COL5A3: variants seen among roughly 807,000 people sequenced by gnomAD.
COL5A3 encodes the protein collagen type V alpha 3 chain, also known as collagen alpha-3(V) chain.
Under a neutral mutation model 250.0 loss-of-function variants are expected in COL5A3, and 172 were observed. The ratio of observed to expected loss-of-function variants is 0.69; its 90% confidence interval spans 0.61 to 0.78. COL5A3 has a LOEUF of 0.78. COL5A3 is among the 30% of genes least tolerant of loss of function. COL5A3 has a pLI of 0.00. For synonymous variants in COL5A3, 937 were observed against 900.4 expected (o/e 1.04, Z -0.73); for missense variants, 2,340 against 2,334.4 (o/e 1.00, Z -0.05).
rs1231717681 is a variant in COL5A3 at position 9,977,347 on chromosome 19, T to A, written c.3234+18A>T. 6.2e-7 allele frequency: 1 copy of A among 1,611,032 alleles called. No homozygotes were observed. The highest frequency in any genetic ancestry group is 1.3e-5 in the African/African-American group (1 of 74,980). On this transcript the variant is annotated intron_variant, in intron 43 of 66. Coordinates refer to ENST00000264828, the MANE Select transcript of COL5A3 (RefSeq NM_015719.4). ...CCCCCATCCTCCCCTGGACCCTTCC[T>A]CTCTGTGAACCCCTCACCTTGTCCC...
chr19:9,967,774 A>G (rs1294382559), intron 61 of COL5A3, 130 bp downstream of exon 61: 2 of 896,150 alleles, frequency 2.2e-6, no homozygotes, highest in African/African-American at 3.4e-5. Flanking sequence ...TAGGTGTTGA[A>G]TAAATATTTG....
Position 9,998,253 on chromosome 19 carries a change from C to CAT in COL5A3, c.1111-105_1111-104insAT, listed in dbSNP as rs146616197. The CAT allele has an allele frequency of 1.4e-3, 1,617 of 1,127,422 alleles. 66 individuals are homozygous for CAT. The East Asian group carries it at 0.02, about 14-fold the overall frequency. The allele number at this position is 1,127,422 out of a possible 1,614,324, so 69.8% of individuals were successfully genotyped here. On this transcript the variant is annotated intron_variant, in intron 8 of 66. Coordinates refer to ENST00000264828, the MANE Select transcript of COL5A3 (RefSeq NM_015719.4). The stretch of plus-strand genomic sequence containing the variant: ...ACTTGCACACACACACACACACACA[C>CAT]ACACGGAGTCCACCCTCAGAGCCCC...
At position 10,009,036 on chromosome 19, in the gene COL5A3, C is replaced by T. The variant is rs1233411532; in HGVS notation, c.88+1262G>A. On this transcript the variant is annotated intron_variant, in intron 1 of 66. Coordinates refer to ENST00000264828, the MANE Select transcript of COL5A3 (RefSeq NM_015719.4). The surrounding 1 kb of genome is among the most constrained non-coding windows in gnomAD (Gnocchi z 4.4). ...CCTGGAGTCCCAGGGGACTTATATT[C>T]AGAGTGGATGCCTAAGATTCCATGA... Among the ~76,000 whole-genome samples, 1 of 151,992 alleles carries T rather than the reference C, an allele frequency of 6.6e-6. No homozygotes were observed. The highest frequency in any genetic ancestry group is 1.5e-5 in the Non-Finnish European group (1 of 67,988).
At chr19:9,986,789 C>G (rs1357295854) in intron 27 of COL5A3, 31 bp from the exon 28 acceptor site, 1 of 1,610,138 alleles carries the variant, frequency 6.2e-7, no homozygotes, top group East Asian at 2.2e-5. Flanking sequence ...GCTCTCAAGC[C>G]TCTTCCCTGC....
rs148469753 is a variant in COL5A3 at position 10,004,085 on chromosome 19, G to A, written c.655C>T (p.Arg219Trp). The A allele has an allele frequency of 3.2e-5, 51 of 1,613,890 alleles. No homozygotes were observed. Among genetic ancestry groups the A allele is most frequent in the East Asian group, 2.2e-4 (10 of 44,878 alleles). Residue 219 changes from arginine to tryptophan, a missense_variant, in exon 5 of 67, where the codon CGG becomes TGG. Physicochemically the swap from Arg to Trp is moderately radical, Grantham distance 101. This residue lies in a region of COL5A3 where 1,152 missense variants were observed against 1,146.3 expected (regional missense o/e 1.00). Transcript: ENST00000264828. ...AGGTTGTCACAGTCGGGGAGGTACC[G>A]CTCACAAGCCTGGAAGGCAGCCTGA... ...DPQAAFQACE[R>W]YLPDCDNLAP...
chr19:9,988,618 G>A (rs111945858), intron 27 of COL5A3, among the ~76,000 whole-genome samples: 1,921 of 152,014 alleles, frequency 0.013, 40 homozygotes, highest in African/African-American at 0.044. Context: ...ATCACCTGAG[G>A]TCAGGAGTTC....
intron 8 of COL5A3, among the ~76,000 whole-genome samples, chr19:9,999,370 T>A (rs1465773787): frequency 1.3e-5 from 2 of 150,544 alleles, no homozygotes; most frequent in South Asian, 2.1e-4. Context: ...TTTTTTATTT[T>A]ATTTTTTTGT....
At chr19:9,967,839 T>C in intron 61 of COL5A3, 65 bp downstream of exon 61, 1 of 1,502,986 alleles carries the variant, frequency 6.7e-7, no homozygotes, top group Non-Finnish European at 9.1e-7. Flanking sequence ...ACGTGGAGGG[T>C]TCTGGTGCAG....
At position 9,991,648 on chromosome 19, in the gene COL5A3, G is replaced by A; in HGVS notation, c.1954C>T (p.Pro652Ser). 6.2e-7 allele frequency: 1 copy of A among 1,611,178 alleles called. No homozygotes were observed. Among genetic ancestry groups the A allele is most frequent in the Non-Finnish European group, 8.5e-7 (1 of 1,178,684 alleles). The change falls in exon 24 of 67, where the codon CCC (proline) becomes TCC (serine). Residue 652 changes from proline (P) to serine (S), a missense_variant. By Grantham distance (74) the Pro-to-Ser change is moderately conservative. Coordinates refer to ENST00000264828, the MANE Select transcript of COL5A3 (RefSeq NM_015719.4). The part of the protein sequence containing the change: ...QQGNHGSQGL[P>S]GPQGLIGTPG... The stretch of plus-strand genomic sequence containing the variant: ...GTGCCAATGAGTCCCTGGGGACCGG[G>A]GAGTCCCTGGAGACAGAAAAAGAAG...
intron 18 of COL5A3, 29 bp from the exon 19 acceptor site, chr19:9,993,462 G>C: frequency 6.2e-7 from 1 of 1,612,952 alleles, no homozygotes. Context: ...GGAGTTCAGA[G>C]TGGAAGGGTG....
intron 51 of COL5A3, among the ~76,000 whole-genome samples, chr19:9,971,471 G>A (rs757594092): frequency 3.7e-4 from 56 of 152,246 alleles, no homozygotes; most frequent in Non-Finnish European, 6.5e-4. Context: ...TCACTGCAGC[G>A]TCCTCACAGC....
intron 4 of COL5A3, 73 bp downstream of exon 4, chr19:10,005,485 T>C: frequency 6.8e-7 from 1 of 1,464,454 alleles, no homozygotes; most frequent in Non-Finnish European, 9.5e-7. Flanking sequence ...TTCTTTAATA[T>C]CCTCTCCAGA....
Position 10,009,511 on chromosome 19 carries a change from A to G in COL5A3, c.88+787T>C, listed in dbSNP as rs1193275939. Among the ~76,000 whole-genome samples, 1 of 149,436 alleles carries G rather than the reference A, an allele frequency of 6.7e-6. No individual in the cohort carries two copies. Among genetic ancestry groups the G allele is most frequent in the Non-Finnish European group, 1.5e-5 (1 of 67,194 alleles). ...GGTGGGGAGGGGGGGAGCAACTTCCACTCCTGCCCCGCCCTGCGCCCCGCC... is the reference window on the plus strand; with the variant it reads ...GGTGGGGAGGGGGGGAGCAACTTCCGCTCCTGCCCCGCCCTGCGCCCCGCC... On this transcript the variant is annotated intron_variant, in intron 1 of 66. Transcript: ENST00000264828. The surrounding 1 kb of genome is among the most constrained non-coding windows in gnomAD (Gnocchi z 4.4).
intron 50 of COL5A3, 53 bp from the exon 51 acceptor site, chr19:9,973,079 G>GTATGCTAATCCTT: frequency 6.8e-7 from 1 of 1,477,012 alleles, no homozygotes. Flanking sequence ...CAGGGATCAA[G>GTATGCTAATCCTT]GATTAGCATA....
chr19:9,993,277 C>T, intron 19 of COL5A3, 103 bp downstream of exon 19: 1 of 1,343,052 alleles, frequency 7.4e-7, no homozygotes, highest in South Asian at 1.2e-5. Flanking sequence ...TTGTCCCTAG[C>T]TCTCAAGCTG....
intron 48 of COL5A3, 40 bp from the exon 49 acceptor site, chr19:9,973,849 C>T: frequency 6.2e-7 from 1 of 1,610,898 alleles, no homozygotes; most frequent in South Asian, 1.1e-5. Context: ...ACTGTGGAAT[C>T]CCAACATCCT....
Position 10,009,633 on chromosome 19 carries a change from G to A in COL5A3, c.88+665C>T, listed in dbSNP as rs2087497410. 6.6e-6 allele frequency among the ~76,000 whole-genome samples: 1 copy of A among 152,118 alleles called. No individual in the cohort carries two copies. Among genetic ancestry groups the A allele is most frequent in the South Asian group, 2.1e-4 (1 of 4,824 alleles). On this transcript the variant is annotated intron_variant, in intron 1 of 66. Transcript: ENST00000264828. This position sits in a 1 kb window ranked among gnomAD's most constrained non-coding sequence, Gnocchi z 4.4. ...GGGTGGGGGAGGGGGCAACAGGGAG[G>A]GAGGGGAGGAGATGGGCGCTCGCCA... is the stretch of plus-strand genomic sequence containing the variant.
chr19:9,973,598 G>A lies in COL5A3; in HGVS notation c.3638C>T (p.Pro1213Leu), dbSNP rs1322004603. 6.2e-7 allele frequency: 1 copy of A among 1,612,848 alleles called. No homozygotes were observed. The highest frequency in any genetic ancestry group is 1.3e-5 in the African/African-American group (1 of 74,874). ...EKGERGDAGD[P>L]GPPGAPGIPG... ...GATGCCTGGGGCTCCTGGAGGCCCT[G>A]GGTCTCCAGCGTCCCCTCGCTCACC... Residue 1213 changes from proline to leucine, a missense_variant, in exon 50 of 67, where the codon CCA becomes CTA. Physicochemically the swap from Pro to Leu is moderately conservative, Grantham distance 98. Around this residue, in one of 3 missense-constraint regions of COL5A3, gnomAD observed 1,179 missense variants for 1,162.6 expected, o/e 1.01. Transcript: ENST00000264828.
In COL5A3 at chr19:9,996,611, T is replaced by C; in HGVS notation, c.1338+4A>G. The C allele has an allele frequency of 6.2e-7, 1 of 1,613,820 alleles. No homozygotes were observed. Among genetic ancestry groups the C allele is most frequent in the Non-Finnish European group, 8.5e-7 (1 of 1,179,894 alleles). ...AAGGCTGGGCCACTCCATCTCCTTC[T>C]TACCGGCATCATGATCACAGTGCCC... is the stretch of plus-strand genomic sequence containing the variant. On this transcript the variant is annotated splice_donor_region_variant and intron_variant, in intron 12 of 66. Coordinates refer to ENST00000264828, the MANE Select transcript of COL5A3 (RefSeq NM_015719.4).
Sources: allele counts gnomAD v4.1 joint callset (sites outside exome capture counted in the v4.1 genomes callset), GRCh38; gene constraint gnomAD v4.1.1; regional missense constraint gnomAD v4.1.1; non-coding constraint Gnocchi (gnomAD v3.1); transcripts MANE v1.5; gene names NCBI Gene and HGNC (gene_info 2026-07-23, HGNC 2026-07-21).